RPS6KC1: variants seen among roughly 807,000 people sequenced by gnomAD.
RPS6KC1 encodes inactive ribosomal protein S6 kinase delta-1.
RPS6KC1 carries 54 observed loss-of-function variants against 103.8 expected under a neutral mutation model. The observed-to-expected ratio is 0.52, with a 90% CI of 0.42 to 0.65. The LOEUF (loss-of-function observed/expected upper bound fraction) is 0.65. Among genes scored for constraint, RPS6KC1 ranks in the 30% least tolerant of loss-of-function variants. The pLI, the probability that RPS6KC1 is intolerant of heterozygous loss-of-function variation, is 0.00. For missense variants in RPS6KC1, 1,151 were observed against 1,253.8 expected (o/e 0.92, Z 1.24); for synonymous variants, 439 against 438.7 (o/e 1.00, Z -0.01).
At chr1:213,763,694 A>G in the RPS6KC1 span, among the ~76,000 whole-genome samples, 55,919 of 152,136 alleles carry the variant, frequency 0.37, 12,332 homozygotes, top group Non-Finnish European at 0.48. Flanking sequence ...AAACTGGAAT[A>G]AACGAGTAAG....
chr1:213,248,933 CTG>C (rs777570469), intron 12 of RPS6KC1, among the ~76,000 whole-genome samples: 6 of 152,174 alleles, frequency 3.9e-5, no homozygotes, highest in Non-Finnish European at 7.4e-5. Flanking sequence ...AACAATGTCT[CTG>C]TACATTTCAT....
At chr1:213,271,597 C>T (rs937685960) in intron 14 of RPS6KC1, among the ~76,000 whole-genome samples, 5 of 151,998 alleles carry the variant, frequency 3.3e-5, no homozygotes, top group Non-Finnish European at 5.9e-5. Flanking sequence ...AACCCTGTCT[C>T]TACTAAAAAT....
intron 8 of RPS6KC1, among the ~76,000 whole-genome samples, chr1:213,195,703 G>A (rs879635654): frequency 3.3e-5 from 5 of 152,034 alleles, no homozygotes; most frequent in African/African-American, 4.8e-5. Context: ...AAGTGAGAAC[G>A]TATGATGTTT....
chr1:213,221,408 A>C (rs966786689), intron 8 of RPS6KC1, among the ~76,000 whole-genome samples: 1 of 152,048 alleles, frequency 6.6e-6, no homozygotes, highest in Non-Finnish European at 1.5e-5. Context: ...CTTAGGCAAT[A>C]TTTCTTCAGT....
chr1:213,328,504 C>CTACATATA, the RPS6KC1 span, among the ~76,000 whole-genome samples: 2 of 101,446 alleles, frequency 2.0e-5, no homozygotes, highest in Non-Finnish European at 4.3e-5. Context: ...AGCCATTATA[C>CTACATATA]TATATATATA....
the RPS6KC1 span, among the ~76,000 whole-genome samples, chr1:213,418,867 G>A: frequency 6.6e-6 from 1 of 152,224 alleles, no homozygotes; most frequent in Admixed American, 6.5e-5. Context: ...CAGGCAGAGT[G>A]TACTCAGCTC....
the RPS6KC1 span, among the ~76,000 whole-genome samples, chr1:213,625,572 C>T: frequency 1.3e-5 from 2 of 152,188 alleles, no homozygotes; most frequent in South Asian, 2.1e-4. Flanking sequence ...AATGCTATCC[C>T]TCCTCCCTCC....
chr1:213,295,080 T>C, the RPS6KC1 span, among the ~76,000 whole-genome samples: 16 of 152,274 alleles, frequency 1.1e-4, no homozygotes, highest in East Asian at 2.3e-3. Flanking sequence ...TGAAAATCCT[T>C]GGAAAGCTGT....
chr1:213,168,106 G>A (rs943674217), intron 7 of RPS6KC1, 133 bp downstream of exon 7: 10 of 546,084 alleles, frequency 1.8e-5, no homozygotes, highest in East Asian at 3.2e-5. Flanking sequence ...AAAGGTTGTT[G>A]GTAGAAAGAA....
chr1:213,850,083 C>T, the RPS6KC1 span, among the ~76,000 whole-genome samples: 1 of 152,034 alleles, frequency 6.6e-6, no homozygotes, highest in Non-Finnish European at 1.5e-5. Flanking sequence ...AGTAACATTT[C>T]TTATTTTTCT....
At chr1:213,334,065 G>T in the RPS6KC1 span, among the ~76,000 whole-genome samples, 1 of 152,110 alleles carries the variant, frequency 6.6e-6, no homozygotes, top group African/African-American at 2.4e-5. Context: ...GGCTCCAAGG[G>T]GGCAGTGGCT....
chr1:213,826,275 G>T, the RPS6KC1 span, among the ~76,000 whole-genome samples: 1 of 152,070 alleles, frequency 6.6e-6, no homozygotes, highest in Admixed American at 6.5e-5. Flanking sequence ...AGATGTCCAG[G>T]TAATGCTAAA....
chr1:213,181,896 A>G (rs1007610258), intron 8 of RPS6KC1, among the ~76,000 whole-genome samples: 1 of 152,244 alleles, frequency 6.6e-6, no homozygotes, highest in Non-Finnish European at 1.5e-5. Context: ...AGGAAGAAAG[A>G]AAGAACATTG....
the RPS6KC1 span, among the ~76,000 whole-genome samples, chr1:213,444,290 G>A: frequency 2.6e-5 from 4 of 152,088 alleles, no homozygotes; most frequent in Non-Finnish European, 4.4e-5. Flanking sequence ...ACGTTCACTC[G>A]TGCTAGGGGT....
chr1:213,816,422 C>T, the RPS6KC1 span, among the ~76,000 whole-genome samples: 5 of 152,222 alleles, frequency 3.3e-5, no homozygotes, highest in Non-Finnish European at 7.3e-5. Flanking sequence ...AGACCACCAA[C>T]AAGCTCACAT....
At chr1:213,438,528 T>C in the RPS6KC1 span, among the ~76,000 whole-genome samples, 1 of 152,206 alleles carries the variant, frequency 6.6e-6, no homozygotes, top group Non-Finnish European at 1.5e-5. Flanking sequence ...CTAGTTTCCC[T>C]TTCTGGCATC....
rs530580061 is a variant in RPS6KC1 at position 213,070,732 on chromosome 1, A to G, written c.106-274A>G. Among the ~76,000 whole-genome samples, 9 of 152,314 alleles carry G rather than the reference A, an allele frequency of 5.9e-5. No homozygotes were observed. In the East Asian group the frequency reaches 7.7e-4, roughly 13 times the overall value. On this transcript the variant is annotated intron_variant, in intron 1 of 14. Coordinates refer to ENST00000366960, the MANE Select transcript of RPS6KC1 (RefSeq NM_012424.6). ...TTACAGTCTTTACACATCTATTTAC[A>G]TATCTATTTCTCTTTCATTATGTAC...
the RPS6KC1 span, among the ~76,000 whole-genome samples, chr1:213,332,316 AT>A: frequency 6.6e-6 from 1 of 152,238 alleles, no homozygotes; most frequent in East Asian, 1.9e-4. Context: ...CCCTGGAGAT[AT>A]GTTTTTAGGT....
In RPS6KC1 at chr1:213,263,735, C is replaced by A. The variant is rs2094851211; in HGVS notation, c.3090+919C>A. On this transcript the variant is annotated intron_variant, in intron 14 of 14. Transcript: ENST00000366960. Reference sequence around the variant, plus strand: ...TTCAACAAATATTATATACAAGGCACAGTGCTATAAGCTACAAAGGTAAGA... The same window carrying A: ...TTCAACAAATATTATATACAAGGCAAAGTGCTATAAGCTACAAAGGTAAGA... Among the ~76,000 whole-genome samples, 2 of 152,102 alleles carry A rather than the reference C, an allele frequency of 1.3e-5. 1 individual carries two copies. The highest frequency in any genetic ancestry group is 1.3e-4 in the Admixed American group (2 of 15,260).
Sources: gnomAD v4.1 joint callset for allele counts (sites outside exome capture counted in the v4.1 genomes callset) on GRCh38, gnomAD v4.1.1 for gene constraint, MANE v1.5 for transcripts, NCBI Gene and HGNC (gene_info 2026-07-23, HGNC 2026-07-21) for gene names.